SPOP: variants seen among roughly 807,000 people sequenced by gnomAD.
The protein encoded by SPOP is speckle-type POZ protein.
A neutral mutation model predicts 45.6 loss-of-function variants in SPOP; 11 were observed. The ratio of observed to expected loss-of-function variants is 0.24; its 90% CI spans 0.15 to 0.40. The LOEUF is 0.40. Among genes scored for constraint, SPOP ranks in the 10% least tolerant of loss-of-function variants. The pLI, the probability that SPOP is intolerant of heterozygous loss-of-function variation, is 1.00. For missense variants in SPOP, 152 were observed against 465.6 expected (o/e 0.33, Z 6.20); for synonymous variants, 166 against 166.3 (o/e 1.00, Z 0.01).
intron 1 of SPOP, among the ~76,000 whole-genome samples, chr17:49,667,021 C>T (rs560461061): frequency 6.6e-6 from 1 of 150,940 alleles, no homozygotes; most frequent in South Asian, 2.1e-4. Flanking sequence ...CTAGTAAAAA[C>T]ACAAAAATTA....
At chr17:49,622,626 A>C (rs945621865) in intron 2 of SPOP, 107 bp downstream of exon 2, 2 of 944,114 alleles carry the variant, frequency 2.1e-6, no homozygotes, top group African/African-American at 1.6e-5. Flanking sequence ...TTTGGCAGTT[A>C]TGTTCCAGAG....
intron 5 of SPOP, 27 bp downstream of exon 5, chr17:49,618,954 T>G: frequency 6.2e-7 from 1 of 1,602,306 alleles, no homozygotes; most frequent in Non-Finnish European, 8.5e-7. Flanking sequence ...TGGGAACTGC[T>G]AGTCTCAGCA....
chr17:49,625,532 T>C (rs1179857027), intron 1 of SPOP, among the ~76,000 whole-genome samples: 2 of 152,102 alleles, frequency 1.3e-5, no homozygotes, highest in Admixed American at 6.5e-5. Context: ...CGCTTGAACC[T>C]GGGAGGCGGA....
rs2071725810 is a variant in SPOP at position 49,600,808 on chromosome 17, C to T, written c.981-286G>A. The T allele has an allele frequency of 8.8e-6, 3 of 339,658 alleles. No individual in the cohort carries two copies. Among genetic ancestry groups the T allele is most frequent in the Non-Finnish European group, 1.7e-5 (3 of 179,938 alleles). The allele number at this position is 339,658 out of a possible 1,614,324, so 21.0% of individuals were successfully genotyped here. A position where few individuals can be genotyped will look rare whatever the true frequency, so the allele number is the denominator to read the frequency against. On this transcript the variant is annotated intron_variant, in intron 9 of 9. Coordinates refer to ENST00000504102, the MANE Select transcript of SPOP (RefSeq NM_001007228.2). This position sits in a 1 kb window ranked among gnomAD's most constrained non-coding sequence, Gnocchi z 4.2. ...CAACACTGCCTATGTTCCTTATATT[C>T]ACCGGTGATGCTAGTCATAAAAAGG...
In SPOP at chr17:49,665,671, C is replaced by CAA. The variant is rs1285628720; in HGVS notation, c.-67+12261_-67+12262insTT. ...ACAGACACACACACACACACACACA[C>CAA]ACACACACACACACACACACACACC... On this transcript the variant is annotated intron_variant, in intron 1 of 9. Transcript: ENST00000504102. 2.0e-5 allele frequency among the ~76,000 whole-genome samples: 3 copies of CAA among 149,902 alleles called. 1 individual carries two copies. The highest frequency in any genetic ancestry group is 1.3e-4 in the Admixed American group (2 of 14,986).
intron 3 of SPOP, among the ~76,000 whole-genome samples, chr17:49,621,323 C>T (rs2143291420): frequency 6.6e-6 from 1 of 152,324 alleles, no homozygotes; most frequent in South Asian, 2.1e-4. Context: ...ACAAGAGAAG[C>T]CAGACCTGAG....
chr17:49,622,179 A>G (rs1343817684), intron 2 of SPOP, 112 bp from the exon 3 acceptor site: 14 of 1,390,728 alleles, frequency 1.0e-5, no homozygotes, highest in Non-Finnish European at 4.0e-6. Flanking sequence ...CCTGATAGGA[A>G]GATAGCAGTT....
At chr17:49,608,901 A>ATT (rs879850816) in intron 6 of SPOP, among the ~76,000 whole-genome samples, 4 of 145,290 alleles carry the variant, frequency 2.8e-5, no homozygotes, top group Admixed American at 1.4e-4. Context: ...TAGCTCTGCC[A>ATT]TTTTTTTTTT....
chr17:49,618,774 T>G (rs1352390097), intron 5 of SPOP, among the ~76,000 whole-genome samples: 2 of 152,202 alleles, frequency 1.3e-5, no homozygotes, highest in Non-Finnish European at 2.9e-5. Context: ...CAACCTTTGT[T>G]TTTAAGAACA....
At chr17:49,611,612 C>T (rs2071974848) in intron 5 of SPOP, among the ~76,000 whole-genome samples, 155 bp from the exon 6 acceptor site, 1 of 152,140 alleles carries the variant, frequency 6.6e-6, no homozygotes, top group Non-Finnish European at 1.5e-5. Flanking sequence ...GCTTTAGCCC[C>T]GGATCAAGTA....
chr17:49,642,231 G>GA (rs200354817), intron 1 of SPOP, among the ~76,000 whole-genome samples: 152 of 151,166 alleles, frequency 1.0e-3, no homozygotes, highest in African/African-American at 3.5e-3. Flanking sequence ...TTTATAGTCA[G>GA]AAAAAAAAGG....
chr17:49,677,510 G>A (rs2073215143), intron 1 of SPOP, among the ~76,000 whole-genome samples: 1 of 152,204 alleles, frequency 6.6e-6, no homozygotes, highest in Non-Finnish European at 1.5e-5. Flanking sequence ...GGAAGAAGGC[G>A]GACTCGTGCT....
At chr17:49,629,717 T>C (rs1447503490) in intron 1 of SPOP, among the ~76,000 whole-genome samples, 1 of 152,212 alleles carries the variant, frequency 6.6e-6, no homozygotes, top group East Asian at 1.9e-4. Flanking sequence ...GCTTGTGCAG[T>C]CACTTTTTAA....
chr17:49,646,996 G>C (rs960741868), intron 1 of SPOP, among the ~76,000 whole-genome samples: 1 of 151,988 alleles, frequency 6.6e-6, no homozygotes, highest in Non-Finnish European at 1.5e-5. Flanking sequence ...CAGTATGAAA[G>C]TATGTTCTTT....
chr17:49,652,244 A>G (rs929329593), intron 1 of SPOP, among the ~76,000 whole-genome samples: 1 of 152,242 alleles, frequency 6.6e-6, no homozygotes, highest in African/African-American at 2.4e-5. Context: ...TCTAGTCCCA[A>G]GCATTTTGGA....
intron 1 of SPOP, among the ~76,000 whole-genome samples, chr17:49,674,570 C>T (rs2073176613): frequency 6.6e-6 from 1 of 152,146 alleles, no homozygotes; most frequent in African/African-American, 2.4e-5. Flanking sequence ...CTGCTATCAG[C>T]AGACTTAAAA....
intron 1 of SPOP, among the ~76,000 whole-genome samples, chr17:49,642,588 T>C (rs1449237028): frequency 1.3e-5 from 2 of 152,194 alleles, no homozygotes; most frequent in Non-Finnish European, 2.9e-5. Flanking sequence ...AGAGGGTAAC[T>C]ACAGTTAGAA....
chr17:49,638,021 A>C (rs144473154), intron 1 of SPOP, among the ~76,000 whole-genome samples: 298 of 152,322 alleles, frequency 2.0e-3, no homozygotes, highest in Non-Finnish European at 2.9e-3. Flanking sequence ...CTATGGTTTT[A>C]ATAAATAACT....
chr17:49,668,966 C>T (rs1439509247), intron 1 of SPOP, among the ~76,000 whole-genome samples: 4 of 150,248 alleles, frequency 2.7e-5, no homozygotes, highest in South Asian at 4.2e-4. Context: ...TTAGTAGAGA[C>T]GGGGTTTCAC....
Sources: gnomAD v4.1 joint callset for allele counts (sites outside exome capture counted in the v4.1 genomes callset) on GRCh38, gnomAD v4.1.1 for gene constraint, Gnocchi (gnomAD v3.1) non-coding constraint, MANE v1.5 for transcripts, NCBI Gene and HGNC (gene_info 2026-07-23, HGNC 2026-07-21) for gene names.